GON4L: variants seen among roughly 807,000 people sequenced by gnomAD.
The protein encoded by GON4L is GON-4-like protein.
A neutral mutation model predicts 211.8 loss-of-function variants in GON4L; 87 were observed. The ratio of observed to expected loss-of-function variants is 0.41; its 90% CI spans 0.35 to 0.49. GON4L has a LOEUF of 0.49. Among genes scored for constraint, GON4L ranks in the 20% least tolerant of loss-of-function variants. The pLI is 0.15. For synonymous variants in GON4L, 875 were observed against 962.6 expected (o/e 0.91, Z 1.68); for missense variants, 2,155 against 2,659.5 (o/e 0.81, Z 4.17).
intron 11 of GON4L, among the ~76,000 whole-genome samples, chr1:155,800,497 C>A (rs527723076): frequency 6.6e-6 from 1 of 151,138 alleles, no homozygotes; most frequent in Admixed American, 6.6e-5. Context: ...GCGGAGGTTG[C>A]GGTGAGCCGA....
chr1:155,855,556 T>A (rs1201718973), intron 1 of GON4L, among the ~76,000 whole-genome samples: 1 of 152,186 alleles, frequency 6.6e-6, no homozygotes, highest in African/African-American at 2.4e-5. Context: ...ACTCAATGTA[T>A]CACTGAGTAT....
At chr1:155,849,136 T>G (rs1466711385) in intron 2 of GON4L, among the ~76,000 whole-genome samples, 3 of 84,554 alleles carry the variant, frequency 3.5e-5, no homozygotes, top group African/African-American at 1.5e-4. Flanking sequence ...CAACAGAGAC[T>G]CCATCTCAAA....
At chr1:155,850,710 C>CA (rs1386169681) in intron 2 of GON4L, among the ~76,000 whole-genome samples, 10 of 152,062 alleles carry the variant, frequency 6.6e-5, no homozygotes, top group Admixed American at 2.6e-4. Context: ...AAAATAAGAA[C>CA]AAGTGGACTT....
At chr1:155,771,462 T>C (rs1663180760) in intron 18 of GON4L, among the ~76,000 whole-genome samples, 1 of 151,968 alleles carries the variant, frequency 6.6e-6, no homozygotes. Flanking sequence ...CCATGGTGTG[T>C]GGCCCAATCT....
At chr1:155,780,200 CTTTAG>C (rs1664279867) in intron 14 of GON4L, among the ~76,000 whole-genome samples, 1 of 152,196 alleles carries the variant, frequency 6.6e-6, no homozygotes, top group Non-Finnish European at 1.5e-5. Context: ...ACTATCATTA[CTTTAG>C]TTATTTTAGT....
chr1:155,764,590 C>T, intron 21 of GON4L: 2 of 393,230 alleles, frequency 5.1e-6, no homozygotes, highest in South Asian at 4.5e-5. Flanking sequence ...CAGGTGTCCG[C>T]CACCATGCCT....
intron 14 of GON4L, among the ~76,000 whole-genome samples, chr1:155,782,524 C>A (rs569643011): frequency 5.9e-5 from 9 of 152,226 alleles, no homozygotes; most frequent in African/African-American, 1.9e-4. Flanking sequence ...GTGCTTTCTA[C>A]ACAATGATGA....
At chr1:155,813,935 A>G in intron 9 of GON4L, 131 bp from the exon 10 acceptor site, 1 of 729,684 alleles carries the variant, frequency 1.4e-6, no homozygotes, top group South Asian at 1.6e-5. Context: ...TTCTCTAGTT[A>G]GAGTTACATA....
chr1:155,843,982 A>G (rs1262804641), intron 2 of GON4L, among the ~76,000 whole-genome samples: 1 of 152,216 alleles, frequency 6.6e-6, no homozygotes. Context: ...TTTGCTTATC[A>G]AAAACTTGAA....
chr1:155,785,222 T>C (rs1296513213), intron 13 of GON4L, 112 bp downstream of exon 13: 2 of 796,080 alleles, frequency 2.5e-6, no homozygotes, highest in Non-Finnish European at 4.6e-6. Context: ...AAAAGGAGAA[T>C]TGGTTCAGTC....
intron 11 of GON4L, among the ~76,000 whole-genome samples, chr1:155,800,447 C>A (rs1458713683): frequency 6.6e-6 from 1 of 151,666 alleles, no homozygotes; most frequent in East Asian, 1.9e-4. Context: ...AACCCAGCTA[C>A]TTGGGAGGCT....
At position 155,853,495 on chromosome 1, in the gene GON4L, C is replaced by T; in HGVS notation, c.286G>A (p.Asp96Asn). 6.2e-7 allele frequency: 1 copy of T among 1,614,136 alleles called. No individual in the cohort carries two copies. Residue 96 changes from aspartate (D) to asparagine (N), a missense_variant, in exon 2 of 32, where the codon GAT becomes AAT. By Grantham distance (23) the Asp-to-Asn change is conservative. Around this residue, in one of 6 missense-constraint regions of GON4L, gnomAD observed 313 missense variants for 293.2 expected, o/e 1.07. Coordinates refer to ENST00000368331, the MANE Select transcript of GON4L (RefSeq NM_001282860.2). ...GTGATTCCCTGAGAGATGGCCACAT[C>T]AACACCTTCTAGAATTGGTACATTT... ...NTNVPILEGV[D>N]VAISQGITLP... is the part of the protein sequence containing the mutation.
chr1:155,753,274 C>T lies in GON4L; in HGVS notation c.5772G>A (p.Glu1924=), dbSNP rs1245963731. 1 of 1,613,836 alleles carries T rather than the reference C, an allele frequency of 6.2e-7. No individual in the cohort carries two copies. Among genetic ancestry groups the T allele is most frequent in the African/African-American group, 1.3e-5 (1 of 74,988 alleles). ...TCTGGGTGGCCTCAGTGCTCTCCCG[C>T]TCCTCTGGGGCTTCCTCTTCCATCA... ...KDMMEEEAPE[E]RESTEATQSR... The change falls in exon 29 of 32, where the codon GAG becomes GAA. Residue 1924 remains glutamate, a synonymous_variant. Coordinates refer to ENST00000368331, the MANE Select transcript of GON4L (RefSeq NM_001282860.2).
chr1:155,832,355 A>G (rs960121295), intron 2 of GON4L, among the ~76,000 whole-genome samples: 1 of 151,958 alleles, frequency 6.6e-6, no homozygotes, highest in Non-Finnish European at 1.5e-5. Flanking sequence ...TTGCCCGGCA[A>G]GGTGCGCCTA....
chr1:155,753,382 C>G lies in GON4L; in HGVS notation c.5664G>C (p.Glu1888Asp). ...VCDSKSYKSK[E>D]PHELVGSSPH... The stretch of plus-strand genomic sequence containing the variant: ...GGCTGCTGCCCACCAACTCATGGGG[C>G]TCCTTGCTCTTGTAGGATTTGCTGT... The change falls in exon 29 of 32, where the codon GAG (glutamate) becomes GAC (aspartate). Residue 1888 changes from glutamate (E) to aspartate (D), a missense_variant. Around this residue, in one of 6 missense-constraint regions of GON4L, gnomAD observed 455 missense variants for 504.6 expected, o/e 0.90. Coordinates refer to ENST00000368331, the MANE Select transcript of GON4L (RefSeq NM_001282860.2). The G allele has an allele frequency of 1.2e-6, 2 of 1,613,698 alleles. No homozygotes were observed. Among genetic ancestry groups the G allele is most frequent in the Non-Finnish European group, 1.7e-6 (2 of 1,179,754 alleles).
upstream of GON4L, among the ~76,000 whole-genome samples, chr1:155,858,854 C>G (rs981298814): frequency 6.6e-6 from 1 of 151,692 alleles, no homozygotes; most frequent in African/African-American, 2.4e-5. Context: ...CCACCACGCC[C>G]GGCTAATCTT....
intron 2 of GON4L, among the ~76,000 whole-genome samples, chr1:155,843,783 A>T (rs1347953529): frequency 1.3e-5 from 2 of 152,124 alleles, no homozygotes; most frequent in African/African-American, 2.4e-5. Flanking sequence ...AGGGCTACTC[A>T]ATCACCCCCA....
At position 155,826,824 on chromosome 1, in the gene GON4L, A is replaced by G; in HGVS notation, c.697+13T>C. On this transcript the variant is annotated intron_variant, in intron 3 of 31. Coordinates refer to ENST00000368331, the MANE Select transcript of GON4L (RefSeq NM_001282860.2). ...AGAGGTTTCATTTAATTAAAAAGAA[A>G]AAGAAAGCCTACCCATTGGAATGAA... 6.4e-7 allele frequency: 1 copy of G among 1,570,882 alleles called. No individual in the cohort carries two copies.
At chr1:155,756,315 T>G (rs1269668993) in intron 27 of GON4L, among the ~76,000 whole-genome samples, 1 of 152,178 alleles carries the variant, frequency 6.6e-6, no homozygotes, top group Admixed American at 6.6e-5. Context: ...TCATCCTCAA[T>G]TGGCTCTATT....
Sources: allele counts gnomAD v4.1 joint callset (sites outside exome capture counted in the v4.1 genomes callset), GRCh38; gene constraint gnomAD v4.1.1; regional missense constraint gnomAD v4.1.1; transcripts MANE v1.5; gene names NCBI Gene and HGNC (gene_info 2026-07-23, HGNC 2026-07-21).